The following POU6F2 variants were observed in gnomAD, a reference collection of about 807,000 sequenced individuals.
POU6F2 encodes the protein POU class 6 homeobox 2.
Under a neutral mutation model 71.3 loss-of-function variants are expected in POU6F2, and 31 were observed. The observed-to-expected ratio is 0.43, with a 90% confidence interval of 0.33 to 0.59. POU6F2 has a LOEUF of 0.59. POU6F2 is among the 20% of genes least tolerant of loss of function. The pLI, the probability that POU6F2 is intolerant of heterozygous loss-of-function variation, is 0.04. For synonymous variants in POU6F2, 347 were observed against 355.7 expected (o/e 0.98, Z 0.27); for missense variants, 783 against 856.8 (o/e 0.91, Z 1.07).
At chr7:39,370,545 A>G (rs1164964927) in intron 5 of POU6F2, among the ~76,000 whole-genome samples, 2 of 152,208 alleles carry the variant, frequency 1.3e-5, no homozygotes, top group African/African-American at 4.8e-5. Flanking sequence ...TAGTTATTCA[A>G]TTGGATAATT....
intron 6 of POU6F2, among the ~76,000 whole-genome samples, chr7:39,419,069 A>ATATG (rs1273778730): frequency 6.9e-6 from 1 of 144,512 alleles, no homozygotes; most frequent in Non-Finnish European, 1.5e-5. Context: ...ATACACATAT[A>ATATG]TACACACATA....
Position 39,339,947 on chromosome 7 carries a change from C to G in POU6F2, c.904C>G (p.Pro302Ala). The change falls in exon 5 of 10, where the codon CCG becomes GCG. Residue 302 changes from proline (P) to alanine (A), a missense_variant. Pro to Ala is a conservative substitution (Grantham distance 27, BLOSUM62 -1). Coordinates refer to ENST00000518318, the MANE Select transcript of POU6F2 (RefSeq NM_001370959.1). ...TCCAACCCAGCAGAGCTCCAGCCCCCCGCAGAAACCTAGTCAGTCTCCAGG... is the reference window on the plus strand; with the variant it reads ...TCCAACCCAGCAGAGCTCCAGCCCCGCGCAGAAACCTAGTCAGTCTCCAGG... ...PSPTQQSSSP[P>A]QKPSQSPGHG... 1 of 1,613,956 alleles carries G rather than the reference C, an allele frequency of 6.2e-7. No individual in the cohort carries two copies. Among genetic ancestry groups the G allele is most frequent in the Non-Finnish European group, 8.5e-7 (1 of 1,179,856 alleles).
intron 4 of POU6F2, among the ~76,000 whole-genome samples, chr7:39,328,349 G>T (rs1785562343): frequency 6.6e-6 from 1 of 152,142 alleles, no homozygotes; most frequent in African/African-American, 2.4e-5. Flanking sequence ...GTTTTTCATG[G>T]AACATATGTG....
intron 2 of POU6F2, among the ~76,000 whole-genome samples, chr7:39,167,315 T>C (rs1793134238): frequency 6.6e-6 from 1 of 152,234 alleles, no homozygotes; most frequent in Non-Finnish European, 1.5e-5. Context: ...CAGTGCTCAC[T>C]GTTTAACAGC....
intron 5 of POU6F2, among the ~76,000 whole-genome samples, chr7:39,404,071 AAG>A (rs1194999013): frequency 6.6e-6 from 1 of 152,194 alleles, no homozygotes; most frequent in Non-Finnish European, 1.5e-5. Flanking sequence ...AGGCAGCAAA[AAG>A]AGGACCAAAT....
chr7:38,988,293 T>G (rs1333806390), intron 1 of POU6F2, among the ~76,000 whole-genome samples: 3 of 152,168 alleles, frequency 2.0e-5, no homozygotes, highest in Non-Finnish European at 4.4e-5. Context: ...GGACTCATTC[T>G]CAGAAATTCT....
At chr7:39,228,068 AC>A (rs1794505145) in intron 4 of POU6F2, among the ~76,000 whole-genome samples, 2 of 152,314 alleles carry the variant, frequency 1.3e-5, no homozygotes, top group South Asian at 4.1e-4. Context: ...TGCAGCTTTT[AC>A]ATTCTAGGAA....
At chr7:39,096,117 A>G (rs760679815) in intron 2 of POU6F2, among the ~76,000 whole-genome samples, 2 of 152,190 alleles carry the variant, frequency 1.3e-5, no homozygotes, top group Admixed American at 6.6e-5. Context: ...TCACATCAGT[A>G]TCTGCACGGA....
intron 2 of POU6F2, among the ~76,000 whole-genome samples, chr7:39,178,145 T>A (rs1326331405): frequency 6.6e-6 from 1 of 152,050 alleles, no homozygotes. Context: ...TCCCAGCTAC[T>A]CGGGAGGCTG....
intron 1 of POU6F2, among the ~76,000 whole-genome samples, chr7:39,047,439 T>G (rs554234564): frequency 6.6e-6 from 1 of 151,952 alleles, no homozygotes; most frequent in African/African-American, 2.4e-5. Flanking sequence ...CTTTGTTAGA[T>G]TCATCATTAG....
At chr7:38,985,991 C>A (rs572424645) in intron 1 of POU6F2, among the ~76,000 whole-genome samples, 1 of 151,914 alleles carries the variant, frequency 6.6e-6, no homozygotes, top group Non-Finnish European at 1.5e-5. Context: ...TTCCTAGTGA[C>A]GAAAGAATTT....
intron 4 of POU6F2, among the ~76,000 whole-genome samples, chr7:39,235,262 C>A (rs1372656074): frequency 6.6e-6 from 1 of 152,102 alleles, no homozygotes; most frequent in Non-Finnish European, 1.5e-5. Flanking sequence ...GAAAAGGAGG[C>A]AACAAAGGCA....
At chr7:39,457,945 C>T (rs1309070481) in intron 8 of POU6F2, among the ~76,000 whole-genome samples, 1 of 152,086 alleles carries the variant, frequency 6.6e-6, no homozygotes, top group Non-Finnish European at 1.5e-5. Flanking sequence ...TTTATTATCA[C>T]CCCACTCCCC....
At position 39,372,866 on chromosome 7, in the gene POU6F2, G is replaced by A. The variant is rs1786641620; in HGVS notation, c.972+32851G>A. On this transcript the variant is annotated intron_variant, in intron 5 of 9. Coordinates refer to ENST00000518318, the MANE Select transcript of POU6F2 (RefSeq NM_001370959.1). ...ATGGGCCAGATTCGGCCCATGAGCA[G>A]TAGTTTGCTTACCCTTGCTACTGAG... 2.6e-5 allele frequency among the ~76,000 whole-genome samples: 4 copies of A among 152,184 alleles called. No homozygotes were observed. In the East Asian group the frequency reaches 7.7e-4, roughly 29 times the overall value.
At chr7:39,167,517 A>G (rs1793138795) in intron 2 of POU6F2, among the ~76,000 whole-genome samples, 1 of 152,122 alleles carries the variant, frequency 6.6e-6, no homozygotes, top group African/African-American at 2.4e-5. Flanking sequence ...TTACTACCAG[A>G]AGGTCATCCA....
At chr7:39,386,863 G>A (rs927984502) in intron 5 of POU6F2, among the ~76,000 whole-genome samples, 5 of 152,112 alleles carry the variant, frequency 3.3e-5, no homozygotes, top group Non-Finnish European at 7.4e-5. Context: ...ATACACAGCC[G>A]GCAAGCCAGT....
intron 7 of POU6F2, among the ~76,000 whole-genome samples, chr7:39,440,314 T>C (rs966362215): frequency 3.3e-5 from 5 of 152,240 alleles, no homozygotes; most frequent in Admixed American, 6.5e-5. Flanking sequence ...CTCATTCTGG[T>C]ACTCCAGTCA....
chr7:39,280,283 C>T (rs1348358429), intron 4 of POU6F2, among the ~76,000 whole-genome samples: 2 of 152,158 alleles, frequency 1.3e-5, no homozygotes, highest in Admixed American at 6.5e-5. Context: ...GTGCAGATGG[C>T]TTGCCCACTC....
chr7:39,104,276 A>G (rs1791631600), intron 2 of POU6F2, among the ~76,000 whole-genome samples: 2 of 152,358 alleles, frequency 1.3e-5, no homozygotes, highest in Middle Eastern at 3.4e-3. Flanking sequence ...TTACATGATG[A>G]CAACATTCAT....
Sources: allele counts gnomAD v4.1 joint callset (sites outside exome capture counted in the v4.1 genomes callset), GRCh38; gene constraint gnomAD v4.1.1; transcripts MANE v1.5; gene names NCBI Gene and HGNC (gene_info 2026-07-23, HGNC 2026-07-21).